The following ZNF69 variants were observed in gnomAD, a reference collection of about 807,000 sequenced individuals.
ZNF69 encodes the protein ZNF3.
In ZNF69, 47 loss-of-function variants were observed where a neutral mutation model predicts 50.9. The observed-to-expected ratio is 0.92, with a 90% confidence interval of 0.73 to 1.18. ZNF69 has a LOEUF of 1.18. ZNF69 is among the 50% of genes most tolerant of loss of function. The pLI, the probability that ZNF69 is intolerant of heterozygous loss-of-function variation, is 0.00. For missense variants in ZNF69, 717 were observed against 675.1 expected, an observed-to-expected ratio of 1.06 and a Z score of -0.69; for synonymous variants, 216 against 223.1, an observed-to-expected ratio of 0.97 and a Z score of 0.29.
At chr19:11,954,479 A>C in the ZNF69 span, among the ~76,000 whole-genome samples, 2 of 152,172 alleles carry the variant, frequency 1.3e-5, no homozygotes, top group African/African-American at 4.8e-5. Flanking sequence ...CAGCCTCCCA[A>C]AGTGCTGGGA....
the ZNF69 span, among the ~76,000 whole-genome samples, chr19:11,967,375 C>T: frequency 6.6e-6 from 1 of 152,070 alleles, no homozygotes; most frequent in Admixed American, 6.6e-5. Flanking sequence ...GAGTTGAAGA[C>T]CAACCTGGCT....
chr19:11,976,788 C>A, the ZNF69 span: 1 of 1,075,890 alleles, frequency 9.3e-7, no homozygotes, highest in South Asian at 2.0e-5. Flanking sequence ...ATCGCTTGAA[C>A]CCCGGTCATG....
At chr19:11,979,642 T>G in the ZNF69 span, 75 of 1,605,366 alleles carry the variant, frequency 4.7e-5, no homozygotes, top group Non-Finnish European at 5.6e-5. Context: ...GTAAGCAATG[T>G]GGGAAAGCCT....
chr19:11,923,524 G>A, the ZNF69 span, among the ~76,000 whole-genome samples: 13 of 152,070 alleles, frequency 8.5e-5, no homozygotes, highest in African/African-American at 2.9e-4. Context: ...CAGTTCCCAG[G>A]GCAGCTCCCT....
the ZNF69 span, chr19:11,953,094 A>T: frequency 3.9e-5 from 6 of 152,172 alleles, no homozygotes; most frequent in African/African-American, 1.4e-4. Flanking sequence ...AAAAAAAATT[A>T]AAAAAGAGTT....
the ZNF69 span, chr19:11,977,076 C>T: frequency 1.2e-6 from 2 of 1,613,968 alleles, no homozygotes; most frequent in Non-Finnish European, 1.7e-6. Context: ...TGAACTTCAC[C>T]CAGGAGGAGT....
chr19:11,888,341 G>A (rs1266277371), intron 1 of ZNF69, among the ~76,000 whole-genome samples: 1 of 152,228 alleles, frequency 6.6e-6, no homozygotes, highest in African/African-American at 2.4e-5. Flanking sequence ...AGCGGTCTGT[G>A]GGGCCCCCAG....
intron 1 of ZNF69, among the ~76,000 whole-genome samples, chr19:11,891,261 T>G (rs1239322610): frequency 6.6e-6 from 1 of 151,594 alleles, no homozygotes; most frequent in Non-Finnish European, 1.5e-5. Flanking sequence ...CCCCATCTTT[T>G]CCAAAAATAA....
At chr19:11,959,947 T>G in the ZNF69 span, among the ~76,000 whole-genome samples, 2 of 152,180 alleles carry the variant, frequency 1.3e-5, no homozygotes, top group African/African-American at 4.8e-5. Flanking sequence ...TTGCCATTGG[T>G]TGAGCATTTT....
the ZNF69 span, among the ~76,000 whole-genome samples, chr19:11,975,212 C>T: frequency 7.2e-5 from 11 of 151,796 alleles, no homozygotes; most frequent in South Asian, 2.1e-3. Flanking sequence ...GATTCTCCTG[C>T]CTCAGTTCTC....
intron 1 of ZNF69, 112 bp from the exon 2 acceptor site, chr19:11,903,461 A>G: frequency 6.6e-7 from 1 of 1,505,062 alleles, no homozygotes. Flanking sequence ...GGAGAAAGAG[A>G]TCTGATGACC....
chr19:11,945,564 G>A, the ZNF69 span, among the ~76,000 whole-genome samples: 1,092 of 152,176 alleles, frequency 7.2e-3, 21 homozygotes, highest in African/African-American at 0.025. Flanking sequence ...TTGCCTGACC[G>A]GCTGGGCCCC....
the ZNF69 span, among the ~76,000 whole-genome samples, chr19:11,924,020 C>A: frequency 6.6e-6 from 1 of 152,218 alleles, no homozygotes; most frequent in Non-Finnish European, 1.5e-5. Flanking sequence ...GACCCATGTG[C>A]AGACGCATTT....
At chr19:11,953,545 TAA>T in the ZNF69 span, among the ~76,000 whole-genome samples, 3 of 152,350 alleles carry the variant, frequency 2.0e-5, no homozygotes, top group South Asian at 4.1e-4. Context: ...CATTTAGAAA[TAA>T]GTTATTTTAG....
intron 1 of ZNF69, among the ~76,000 whole-genome samples, chr19:11,895,542 A>T (rs984167447): frequency 6.6e-6 from 1 of 152,230 alleles, no homozygotes; most frequent in Non-Finnish European, 1.5e-5. Flanking sequence ...GGTCAGTGGT[A>T]CAAGTCAAAT....
At chr19:11,953,069 CCAT>C in the ZNF69 span, 1 of 152,096 alleles carries the variant, frequency 6.6e-6, no homozygotes, top group Non-Finnish European at 1.5e-5. Context: ...GAGCGAGACT[CCAT>C]CACACACACA....
the ZNF69 span, chr19:11,965,056 C>A: frequency 2.1e-6 from 2 of 937,388 alleles, no homozygotes; most frequent in Admixed American, 2.1e-5. Context: ...TCACCTTTGT[C>A]CTTGCGCAGC....
intron 1 of ZNF69, among the ~76,000 whole-genome samples, chr19:11,899,752 A>G (rs1313524622): frequency 6.6e-6 from 1 of 152,110 alleles, no homozygotes; most frequent in Non-Finnish European, 1.5e-5. Flanking sequence ...ATTTGAGTCA[A>G]TATGTAGGAA....
chr19:11,906,728 A>G (rs1408090420), downstream of ZNF69, among the ~76,000 whole-genome samples: 1 of 152,246 alleles, frequency 6.6e-6, no homozygotes, highest in African/African-American at 2.4e-5. Context: ...GGGAGAAACC[A>G]GAGCAGAAAA....
Sources: allele counts gnomAD v4.1 joint callset (sites outside exome capture counted in the v4.1 genomes callset), GRCh38; gene constraint gnomAD v4.1.1; transcripts MANE v1.5; gene names NCBI Gene and HGNC (gene_info 2026-07-23, HGNC 2026-07-21).